SLC1A1: variants seen among roughly 807,000 people sequenced by gnomAD.
The protein encoded by SLC1A1 is excitatory amino acid transporter 3.
In SLC1A1, 43 loss-of-function variants were observed where a neutral mutation model predicts 53.3. The observed-to-expected ratio is 0.81, with a 90% CI of 0.63 to 1.04. SLC1A1 has a LOEUF of 1.04. SLC1A1 is among the 50% of genes least tolerant of loss of function. The probability of loss-of-function intolerance (pLI) is 0.00; values close to 1 mark genes in which losing one functional copy is unlikely to be tolerated. For synonymous variants in SLC1A1, 307 were observed against 243.2 expected, an observed-to-expected ratio of 1.26 and a Z score of -2.44; for missense variants, 748 against 664.9, an observed-to-expected ratio of 1.12 and a Z score of -1.37.
At chr9:4,520,552 G>C (rs1816032412) in intron 1 of SLC1A1, among the ~76,000 whole-genome samples, 1 of 152,126 alleles carries the variant, frequency 6.6e-6, no homozygotes, top group South Asian at 2.1e-4. Context: ...GTTTCACTTA[G>C]TGTAATGTTT....
chr9:4,571,478 C>T (rs1293027930), intron 6 of SLC1A1, among the ~76,000 whole-genome samples: 1 of 152,080 alleles, frequency 6.6e-6, no homozygotes, highest in Non-Finnish European at 1.5e-5. Flanking sequence ...GAGTTCGAGA[C>T]CACCCTGGCC....
At chr9:4,496,895 C>G (rs1240916359) in intron 1 of SLC1A1, among the ~76,000 whole-genome samples, 1 of 151,996 alleles carries the variant, frequency 6.6e-6, no homozygotes, top group Non-Finnish European at 1.5e-5. Flanking sequence ...AAGATCCTGT[C>G]TCTGAAAAAT....
At chr9:4,571,365 G>C (rs1820027374) in intron 6 of SLC1A1, among the ~76,000 whole-genome samples, 1 of 152,054 alleles carries the variant, frequency 6.6e-6, no homozygotes, top group Non-Finnish European at 1.5e-5. Flanking sequence ...ATGTACCCCT[G>C]AATGTAAAAG....
intron 1 of SLC1A1, among the ~76,000 whole-genome samples, chr9:4,514,707 C>A (rs1326605279): frequency 1.3e-5 from 2 of 152,056 alleles, no homozygotes; most frequent in Non-Finnish European, 2.9e-5. Context: ...TAGGGGACCA[C>A]TGAAGGGGCT....
chr9:4,492,248 G>C (rs1488065803), intron 1 of SLC1A1, among the ~76,000 whole-genome samples: 1 of 152,090 alleles, frequency 6.6e-6, no homozygotes, highest in Non-Finnish European at 1.5e-5. Context: ...TTTCCTTTAG[G>C]CCAAAGAGAA....
At chr9:4,559,771 T>C (rs926305920) in intron 2 of SLC1A1, 22 of 152,230 alleles carry the variant, frequency 1.4e-4, no homozygotes, top group African/African-American at 5.3e-4. Flanking sequence ...ACTCAAAATA[T>C]GACCCTCATT....
At position 4,583,636 on chromosome 9, in the gene SLC1A1, G is replaced by C. The variant is rs1428987435; in HGVS notation, c.1328+464G>C. On this transcript the variant is annotated intron_variant, in intron 11 of 11. Transcript: ENST00000262352. This position sits in a 1 kb window ranked among gnomAD's most constrained non-coding sequence, Gnocchi z 4.6. ...CCGTCCTGTGTCTTACCAGCTTCTT[G>C]ACCTCGAGCAAGTTTCCTTAACCTG... 1.3e-5 allele frequency among the ~76,000 whole-genome samples: 2 copies of C among 152,092 alleles called. No homozygotes were observed. The highest frequency in any genetic ancestry group is 6.5e-5 in the Admixed American group (1 of 15,274).
intron 10 of SLC1A1, among the ~76,000 whole-genome samples, chr9:4,577,457 T>C (rs987813262): frequency 6.6e-6 from 1 of 152,220 alleles, no homozygotes; most frequent in Non-Finnish European, 1.5e-5. Context: ...TGTCATATTA[T>C]GGACAGATTT....
At position 4,583,285 on chromosome 9, in the gene SLC1A1, T is replaced by C; in HGVS notation, c.1328+113T>C. 1 of 1,353,720 alleles carries C rather than the reference T, an allele frequency of 7.4e-7. No individual in the cohort carries two copies. The highest frequency in any genetic ancestry group is 1.1e-6 in the Non-Finnish European group (1 of 948,964). 83.9% of individuals were successfully genotyped at this position (1,353,720 alleles called of 1,614,324 possible). A position where few individuals can be genotyped will look rare whatever the true frequency, so the allele number is the denominator to read the frequency against. ...CTCAGATTGCCTAATGAGCCACCTG[T>C]TGCTGCTTTAATTTTCCTCTGACCA... is the stretch of plus-strand genomic sequence containing the variant. On this transcript the variant is annotated intron_variant, in intron 11 of 11. Transcript: ENST00000262352. The surrounding 1 kb of genome is among the most constrained non-coding windows in gnomAD (Gnocchi z 4.6).
chr9:4,499,298 G>A (rs1044210874), intron 1 of SLC1A1, among the ~76,000 whole-genome samples: 7 of 151,926 alleles, frequency 4.6e-5, no homozygotes, highest in African/African-American at 2.4e-5. Context: ...ACCCACGTTG[G>A]CCTCCCAAAG....
chr9:4,497,099 A>G (rs1052472957), intron 1 of SLC1A1, among the ~76,000 whole-genome samples: 12 of 152,222 alleles, frequency 7.9e-5, no homozygotes, highest in African/African-American at 2.4e-4. Flanking sequence ...CTGCCCTAAC[A>G]AATTACCACA....
chr9:4,498,158 G>A (rs1206865243), intron 1 of SLC1A1, among the ~76,000 whole-genome samples: 2 of 152,116 alleles, frequency 1.3e-5, no homozygotes, highest in African/African-American at 4.8e-5. Flanking sequence ...GGGAGCCAGA[G>A]GAACTCTTCT....
At chr9:4,579,567 G>A (rs1820870323) in intron 10 of SLC1A1, among the ~76,000 whole-genome samples, 1 of 152,140 alleles carries the variant, frequency 6.6e-6, no homozygotes, top group South Asian at 2.1e-4. Flanking sequence ...AGCCTCTCCG[G>A]CTACCTCTGG....
intron 1 of SLC1A1, among the ~76,000 whole-genome samples, chr9:4,534,356 C>A (rs1816593956): frequency 1.3e-5 from 2 of 152,016 alleles, no homozygotes; most frequent in Non-Finnish European, 2.9e-5. Context: ...CAAACAGATG[C>A]AATTAAAAAA....
chr9:4,558,778 T>C (rs1251911299), intron 2 of SLC1A1, among the ~76,000 whole-genome samples: 4 of 152,072 alleles, frequency 2.6e-5, no homozygotes, highest in Admixed American at 2.0e-4. Context: ...TGACTCTCAC[T>C]TGTCAGCACT....
intron 1 of SLC1A1, among the ~76,000 whole-genome samples, chr9:4,496,532 GTTTTTGTTTGT>G: frequency 6.6e-6 from 1 of 151,956 alleles, no homozygotes; most frequent in Non-Finnish European, 1.5e-5. Flanking sequence ...GTTTTGTTTT[GTTTTTGTTTGT>G]TTTTTGTTTT....
intron 1 of SLC1A1, among the ~76,000 whole-genome samples, chr9:4,528,431 C>G (rs1400886062): frequency 1.3e-5 from 2 of 151,852 alleles, no homozygotes; most frequent in Admixed American, 6.6e-5. Flanking sequence ...ACAAAATTAG[C>G]TGGGCATGGT....
chr9:4,567,638 T>C (rs1466886867), intron 5 of SLC1A1, 31 bp from the exon 6 acceptor site: 1 of 1,472,394 alleles, frequency 6.8e-7, no homozygotes, highest in South Asian at 1.2e-5. Context: ...CTTTTTTTGT[T>C]TGCTTGTCCT....
chr9:4,537,599 A>AAAAT lies in SLC1A1; in HGVS notation c.92-6965_92-6964insTAAA, dbSNP rs1491517188. Among the ~76,000 whole-genome samples, 17 of 28,218 alleles carry AAAAT rather than the reference A, an allele frequency of 6.0e-4. 4 individuals carry two copies. Among genetic ancestry groups the AAAAT allele is most frequent in the Middle Eastern group, 0.016 (1 of 62 alleles). The allele number at this position is 28,218 out of a possible 152,430, so 18.5% of individuals were successfully genotyped here. A position where few individuals can be genotyped will look rare whatever the true frequency, so the allele number is the denominator to read the frequency against. The stretch of plus-strand genomic sequence containing the variant: ...AAAATAAAATAAAATAAAATAAAAT[A>AAAAT]AAAAAAAAAAAAATCACATGCTACA... On this transcript the variant is annotated intron_variant, in intron 1 of 11. Transcript: ENST00000262352.
Sources: allele counts gnomAD v4.1 joint callset (sites outside exome capture counted in the v4.1 genomes callset), GRCh38; gene constraint gnomAD v4.1.1; non-coding constraint Gnocchi (gnomAD v3.1); transcripts MANE v1.5; gene names NCBI Gene and HGNC (gene_info 2026-07-23, HGNC 2026-07-21).